CHD3: variants seen among roughly 807,000 people sequenced by gnomAD.
CHD3 encodes the protein ATP-dependent chromatin remodeler CHD3.
In CHD3, 52 loss-of-function variants were observed where a neutral mutation model predicts 248.9. That is an observed-to-expected ratio of 0.21 (90% CI 0.17 to 0.26). The LOEUF is 0.26. CHD3 is among the 10% of genes least tolerant of loss of function. The probability of loss-of-function intolerance (pLI) is 1.00; values close to 1 mark genes in which losing one functional copy is unlikely to be tolerated. For synonymous variants in CHD3, 985 were observed against 985.2 expected (o/e 1.00, Z 0.00); for missense variants, 1,482 against 2,605.8 (o/e 0.57, Z 9.39).
chr17:7,893,466 G>A lies in CHD3; in HGVS notation c.690G>A (p.Ser230=), dbSNP rs749054568. The A allele has an allele frequency of 2.4e-5, 39 of 1,605,078 alleles. No homozygotes were observed. Among genetic ancestry groups the A allele is most frequent in the Admixed American group, 1.9e-4 (11 of 58,734 alleles). Residue 230 remains serine (S), a synonymous_variant, in exon 5 of 40, where the codon TCG becomes TCA. Transcript: ENST00000330494. ...VAEQVSAAVS[S]ATPIAPSGPP... ...AGCAGGTGTCAGCTGCTGTCTCGTC[G>A]GCCACCCCCATAGCACCCTCCGGAC...
At chr17:7,893,231 C>T in intron 4 of CHD3, 55 bp from the exon 5 acceptor site, 1 of 1,512,792 alleles carries the variant, frequency 6.6e-7, no homozygotes, top group East Asian at 2.3e-5. Context: ...GGGGAGATGG[C>T]AGTGTTCCCA....
At position 7,899,040 on chromosome 17, in the gene CHD3, G is replaced by A; in HGVS notation, c.2181G>A (p.Arg727=). ...CCGTGAAATATGAGACTCAGCCACG[G>A]TTTATCACAGCCACTGGAGGCACCC... ...DPTVKYETQP[R]FITATGGTLH... is the part of the protein sequence containing the mutation. Residue 727 remains arginine, a synonymous_variant, in exon 14 of 40, where the codon CGG becomes CGA. Transcript: ENST00000330494. This position sits in a 1 kb window ranked among gnomAD's most constrained non-coding sequence, Gnocchi z 6.8. The A allele has an allele frequency of 6.2e-7, 1 of 1,614,120 alleles. No individual in the cohort carries two copies. The highest frequency in any genetic ancestry group is 1.3e-5 in the African/African-American group (1 of 75,008).
Position 7,905,608 on chromosome 17 carries a change from T to C in CHD3, c.4139-13T>C. On this transcript the variant is annotated splice_polypyrimidine_tract_variant and intron_variant, in intron 26 of 39. Transcript: ENST00000330494. The surrounding 1 kb of genome is among the most constrained non-coding windows in gnomAD (Gnocchi z 5.8). ...GTGGTGGCTCAGCTAACTGATGTCA[T>C]CCCCACCCTCAGGGCGTAGACAGTC... is the stretch of plus-strand genomic sequence containing the variant. 6.4e-7 allele frequency: 1 copy of C among 1,570,734 alleles called. No homozygotes were observed. Among genetic ancestry groups the C allele is most frequent in the Non-Finnish European group, 8.6e-7 (1 of 1,156,082 alleles).
chr17:7,893,126 T>G lies in CHD3; in HGVS notation c.510-160T>G, dbSNP rs1483210615. Among the ~76,000 whole-genome samples, 4 of 152,060 alleles carry G rather than the reference T, an allele frequency of 2.6e-5. No homozygotes were observed. In the East Asian group the frequency reaches 7.7e-4, roughly 29 times the overall value. Reference sequence around the variant, plus strand: ...TGTTCTTTCCCCGCTTTTTTTAAACTTCTTTTTATTTATTTTTTTAAATGG... The same window carrying G: ...TGTTCTTTCCCCGCTTTTTTTAAACGTCTTTTTATTTATTTTTTTAAATGG... On this transcript the variant is annotated intron_variant, in intron 4 of 39. Coordinates refer to ENST00000330494, the MANE Select transcript of CHD3 (RefSeq NM_001005273.3).
Position 7,900,708 on chromosome 17 carries a change from G to C in CHD3, c.2955G>C (p.Arg985=). Residue 985 remains arginine (R), a synonymous_variant, in exon 18 of 40, where the codon CGG becomes CGC. Coordinates refer to ENST00000330494, the MANE Select transcript of CHD3 (RefSeq NM_001005273.3). The surrounding 1 kb of genome is among the most constrained non-coding windows in gnomAD (Gnocchi z 6.5). ...NMPAKTELIV[R]VELSPMQKKY... ...CAGCCAAGACAGAGCTCATCGTTCG[G>C]GTGGAGCTAAGCCCCATGCAGAAGT... 1 of 1,613,860 alleles carries C rather than the reference G, an allele frequency of 6.2e-7. No individual in the cohort carries two copies. The highest frequency in any genetic ancestry group is 8.5e-7 in the Non-Finnish European group (1 of 1,179,790).
In CHD3 at chr17:7,908,496, G is replaced by A. The variant is rs1177542233; in HGVS notation, c.5247G>A (p.Leu1749=). ...ACAGAAGACATGACTATTGGCTTCTGGCTGGGATTGTCCTGTATCCTTTGA... is the reference window on the plus strand; with the variant it reads ...ACAGAAGACATGACTATTGGCTTCTAGCTGGGATTGTCCTGTATCCTTTGA... ...IWHRRHDYWL[L]AGIVLHGYAR... The change falls in exon 35 of 40, where the codon CTG becomes CTA. Residue 1749 remains leucine (L), a synonymous_variant. Coordinates refer to ENST00000330494, the MANE Select transcript of CHD3 (RefSeq NM_001005273.3). The surrounding 1 kb of genome is among the most constrained non-coding windows in gnomAD (Gnocchi z 5.8). 1 of 1,613,876 alleles carries A rather than the reference G, an allele frequency of 6.2e-7. No individual in the cohort carries two copies. Among genetic ancestry groups the A allele is most frequent in the Non-Finnish European group, 8.5e-7 (1 of 1,179,870 alleles).
At position 7,909,054 on chromosome 17, in the gene CHD3, A is replaced by G; in HGVS notation, c.5395-89A>G. 1 of 1,510,844 alleles carries G rather than the reference A, an allele frequency of 6.6e-7. No individual in the cohort carries two copies. Among genetic ancestry groups the G allele is most frequent in the Non-Finnish European group, 9.0e-7 (1 of 1,116,340 alleles). 93.6% of individuals were successfully genotyped at this position (1,510,844 alleles called of 1,614,324 possible). ...AGTGCCCTGGGCCAGCAGTGAGGGC[A>G]GGGTGGGTCTCTTGCTATGTCCGCC... On this transcript the variant is annotated intron_variant, in intron 36 of 39. Transcript: ENST00000330494. The surrounding 1 kb of genome is among the most constrained non-coding windows in gnomAD (Gnocchi z 8.1).
In CHD3 at chr17:7,912,332, C is replaced by G. The variant is rs899301285; in HGVS notation, c.*747C>G. ...CCAAAGAGGAGCTCCCCAACCTGTT[C>G]TAGGGACCCAGGTAACCTAGAAGGG... On this transcript the variant is annotated 3_prime_UTR_variant, in exon 40 of 40. Transcript: ENST00000330494. The G allele has an allele frequency of 6.5e-6, 1 of 153,454 alleles. No homozygotes were observed. The highest frequency in any genetic ancestry group is 2.4e-5 in the African/African-American group (1 of 41,436). 9.5% of individuals were successfully genotyped at this position (153,454 alleles called of 1,614,324 possible).
intron 4 of CHD3, among the ~76,000 whole-genome samples, chr17:7,891,791 G>A (rs956579580): frequency 6.7e-6 from 1 of 149,730 alleles, no homozygotes; most frequent in African/African-American, 2.5e-5. Context: ...AACCCGGGAG[G>A]CAAAGGTTGT....
rs751561206 is a variant in CHD3 at position 7,904,650 on chromosome 17, G to A, written c.4072+31G>A. ...GACTGCCCCAGATGCAGGCAGTAAA[G>A]GGGGGAAGTGATGATGAGTAGGGAC... On this transcript the variant is annotated intron_variant, in intron 25 of 39. Coordinates refer to ENST00000330494, the MANE Select transcript of CHD3 (RefSeq NM_001005273.3). This position sits in a 1 kb window ranked among gnomAD's most constrained non-coding sequence, Gnocchi z 4.4. 2 of 1,588,088 alleles carry A rather than the reference G, an allele frequency of 1.3e-6. No individual in the cohort carries two copies. The highest frequency in any genetic ancestry group is 2.2e-5 in the East Asian group (1 of 44,506).
rs1971283230 is a variant in CHD3, at chr17:7,908,634, A to C, written c.5262-63A>C. 5.0e-6 allele frequency: 8 copies of C among 1,604,046 alleles called. No homozygotes were observed. Among genetic ancestry groups the C allele is most frequent in the Admixed American group, 3.4e-5 (2 of 59,602 alleles). On this transcript the variant is annotated intron_variant, in intron 35 of 39. Transcript: ENST00000330494. This position sits in a 1 kb window ranked among gnomAD's most constrained non-coding sequence, Gnocchi z 5.8. ...TTGGGGAGTCAAGCCAAAAGGAAGAAGTGTTCAAAGCCAAGCCCATTCCTG... is the reference window on the plus strand; with the variant it reads ...TTGGGGAGTCAAGCCAAAAGGAAGACGTGTTCAAAGCCAAGCCCATTCCTG...
chr17:7,901,498 G>A (rs1970302374), intron 20 of CHD3, 123 bp downstream of exon 20: 4 of 370,758 alleles, frequency 1.1e-5, no homozygotes, highest in East Asian at 5.0e-5. Context: ...GATTCCTCCT[G>A]TAAGAGTTTT....
At position 7,903,727 on chromosome 17, in the gene CHD3, T is replaced by G; in HGVS notation, c.3728-98T>G. 1 of 1,362,466 alleles carries G rather than the reference T, an allele frequency of 7.3e-7. No homozygotes were observed. Among genetic ancestry groups the G allele is most frequent in the South Asian group, 1.4e-5 (1 of 73,656 alleles). The allele number at this position is 1,362,466 out of a possible 1,614,324, so 84.4% of individuals were successfully genotyped here. ...ATTGGCTCCCGGGGAAAAAGCCTTC[T>G]CTAGGGCTCCTGTGAAAAGGACGCA... On this transcript the variant is annotated intron_variant, in intron 23 of 39. Coordinates refer to ENST00000330494, the MANE Select transcript of CHD3 (RefSeq NM_001005273.3). This position sits in a 1 kb window ranked among gnomAD's most constrained non-coding sequence, Gnocchi z 6.8.
chr17:7,888,488 G>A (rs1016381864), upstream of CHD3, among the ~76,000 whole-genome samples: 1 of 152,186 alleles, frequency 6.6e-6, no homozygotes, highest in Non-Finnish European at 1.5e-5. Flanking sequence ...GGTAGGGGAG[G>A]GACGTGAACC....
In CHD3 at chr17:7,907,076, G is replaced by A. The variant is rs1329362238; in HGVS notation, c.4666+45G>A. On this transcript the variant is annotated intron_variant, in intron 30 of 39. Transcript: ENST00000330494. The surrounding 1 kb of genome is among the most constrained non-coding windows in gnomAD (Gnocchi z 4.3). Reference sequence around the variant, plus strand: ...GTGGGAGAGACAGAAAGGGAGCCAGGAGTCAGGGCGGGAGAATCTCTGTCT... The same window carrying A: ...GTGGGAGAGACAGAAAGGGAGCCAGAAGTCAGGGCGGGAGAATCTCTGTCT... The A allele has an allele frequency of 6.2e-7, 1 of 1,613,802 alleles. No individual in the cohort carries two copies. The highest frequency in any genetic ancestry group is 1.3e-5 in the African/African-American group (1 of 74,900).
upstream of CHD3, among the ~76,000 whole-genome samples, chr17:7,888,143 C>G (rs1297206828): frequency 1.3e-5 from 2 of 152,188 alleles, no homozygotes; most frequent in Non-Finnish European, 2.9e-5. Flanking sequence ...TTGCTGACTT[C>G]CTATTACAGT....
In CHD3 at chr17:7,904,920, T is replaced by A. The variant is rs8074053; in HGVS notation, c.4073-180T>A. 5.5e-3 allele frequency among the ~76,000 whole-genome samples: 835 copies of A among 151,928 alleles called. 9 individuals are homozygous for A. The highest frequency in any genetic ancestry group is 0.019 in the African/African-American group (783 of 41,416). On this transcript the variant is annotated intron_variant, in intron 25 of 39. Coordinates refer to ENST00000330494, the MANE Select transcript of CHD3 (RefSeq NM_001005273.3). The surrounding 1 kb of genome is among the most constrained non-coding windows in gnomAD (Gnocchi z 4.4). ...ACTGAAGGTGGGCGGTGAATGGAGA[T>A]GGTGTAGGATATGCGGCTCCCAAGT...
Position 7,910,912 on chromosome 17 carries a change from AGGGGCCCTGGCCGCC to A in CHD3, c.5822_5836del (p.Gly1941_Ala1945del). ...GGGCGGCCTTCAGCGCCGCACCCGT[AGGGGCCCTGGCCGCC>A]GCAGGCGCCAATTACAGCCAGATGC... is the stretch of plus-strand genomic sequence containing the variant. On this transcript the variant is annotated inframe_deletion, in exon 39 of 40. Transcript: ENST00000330494. This position sits in a 1 kb window ranked among gnomAD's most constrained non-coding sequence, Gnocchi z 4.7. The A allele has an allele frequency of 6.2e-7, 1 of 1,613,650 alleles. No individual in the cohort carries two copies. Among genetic ancestry groups the A allele is most frequent in the Non-Finnish European group, 8.5e-7 (1 of 1,179,860 alleles).
In CHD3 at chr17:7,897,966, C is replaced by G; in HGVS notation, c.1920-5C>G. ...TGCTCCTCCCCATGGCCTCCTGCCC[C>G]ACAGTGTGGATAAAAAGGGGAATTA... is the stretch of plus-strand genomic sequence containing the variant. On this transcript the variant is annotated splice_polypyrimidine_tract_variant and splice_region_variant and intron_variant, in intron 11 of 39. Coordinates refer to ENST00000330494, the MANE Select transcript of CHD3 (RefSeq NM_001005273.3). This position sits in a 1 kb window ranked among gnomAD's most constrained non-coding sequence, Gnocchi z 4.8. The G allele has an allele frequency of 6.2e-7, 1 of 1,613,304 alleles. No individual in the cohort carries two copies. The highest frequency in any genetic ancestry group is 8.5e-7 in the Non-Finnish European group (1 of 1,179,582).
Sources: allele counts gnomAD v4.1 joint callset (sites outside exome capture counted in the v4.1 genomes callset), GRCh38; gene constraint gnomAD v4.1.1; non-coding constraint Gnocchi (gnomAD v3.1); transcripts MANE v1.5; gene names NCBI Gene and HGNC (gene_info 2026-07-23, HGNC 2026-07-21).